Variants in SLC2A13 observed in about 807,000 individuals in gnomAD.
SLC2A13 encodes proton myo-inositol cotransporter.
Under a neutral mutation model 64.4 loss-of-function variants are expected in SLC2A13, and 32 were observed. The ratio of observed to expected loss-of-function variants is 0.50; its 90% confidence interval spans 0.37 to 0.67. SLC2A13 has a LOEUF of 0.67. SLC2A13 is among the 30% of genes least tolerant of loss of function. The pLI is 0.00. For synonymous variants in SLC2A13, 338 were observed against 327.1 expected (o/e 1.03, Z -0.36); for missense variants, 743 against 829.2 (o/e 0.90, Z 1.28).
At chr12:40,010,886 G>T (rs946924002) in intron 3 of SLC2A13, among the ~76,000 whole-genome samples, 1 of 152,192 alleles carries the variant, frequency 6.6e-6, no homozygotes. Flanking sequence ...TCATCTGCCA[G>T]CTGTGAGTGT....
chr12:39,869,282 G>A (rs895970678), intron 5 of SLC2A13, among the ~76,000 whole-genome samples: 1 of 152,226 alleles, frequency 6.6e-6, no homozygotes, highest in African/African-American at 2.4e-5. Context: ...TTATTCTGAA[G>A]GTGTAAAGGT....
chr12:39,865,249 G>GA (rs1455611473), intron 5 of SLC2A13, among the ~76,000 whole-genome samples: 1 of 152,178 alleles, frequency 6.6e-6, no homozygotes, highest in Non-Finnish European at 1.5e-5. Flanking sequence ...CAAGAAGCAC[G>GA]AAAGACAATA....
intron 1 of SLC2A13, among the ~76,000 whole-genome samples, chr12:40,049,147 C>T (rs1254646376): frequency 3.3e-5 from 5 of 151,694 alleles, no homozygotes; most frequent in Non-Finnish European, 2.9e-5. Flanking sequence ...TTATAGTATT[C>T]AGCCTTACCC....
intron 3 of SLC2A13, among the ~76,000 whole-genome samples, chr12:39,966,160 A>G (rs1420593126): frequency 4.6e-5 from 7 of 151,250 alleles, no homozygotes; most frequent in Non-Finnish European, 8.8e-5. Flanking sequence ...GAGGTGGGGT[A>G]TGTGTGTGTA....
chr12:39,950,899 T>G (rs1415487867), intron 4 of SLC2A13: 1 of 281,670 alleles, frequency 3.6e-6, no homozygotes. Flanking sequence ...GTGCCCATAA[T>G]CTCTGGCAAT....
rs1948061455 is a variant in SLC2A13 at position 40,040,205 on chromosome 12, G to A, written c.716+7846C>T. ...TGAAGAGTTTGTAAGTATGTTCACT[G>A]CTACTAGCTCATTTGATCCCGTAAA... On this transcript the variant is annotated intron_variant, in intron 2 of 9. Coordinates refer to ENST00000280871, the MANE Select transcript of SLC2A13 (RefSeq NM_052885.4). Among the ~76,000 whole-genome samples the A allele has an allele frequency of 2.6e-5, 4 of 152,212 alleles. No homozygotes were observed. The South Asian group carries it at 8.3e-4, about 31-fold the overall frequency.
At chr12:39,845,986 T>C (rs1324148299) in intron 6 of SLC2A13, among the ~76,000 whole-genome samples, 2 of 152,152 alleles carry the variant, frequency 1.3e-5, no homozygotes, top group Non-Finnish European at 2.9e-5. Context: ...TACTCCAATT[T>C]GCCTAAAGGG....
chr12:39,926,492 G>A (rs1945732841), intron 4 of SLC2A13, among the ~76,000 whole-genome samples: 2 of 152,170 alleles, frequency 1.3e-5, no homozygotes, highest in African/African-American at 4.8e-5. Context: ...ATGTGACAGC[G>A]TATTGTAAGC....
chr12:39,967,624 G>A (rs1223295867), intron 3 of SLC2A13, among the ~76,000 whole-genome samples: 2 of 152,150 alleles, frequency 1.3e-5, no homozygotes, highest in Admixed American at 1.3e-4. Context: ...TATTCATCAA[G>A]TTTCTATAAA....
rs373042108 is a variant in SLC2A13 at position 40,012,860 on chromosome 12, C to G, written c.925+15441G>C. Among the ~76,000 whole-genome samples, 9 of 152,298 alleles carry G rather than the reference C, an allele frequency of 5.9e-5. No individual in the cohort carries two copies. The East Asian group carries it at 1.5e-3, about 26-fold the overall frequency. ...GGAAAGTGACACAGGAAATCACACT[C>G]CAGCACTCAGAGATAGCAGGCCTCC... On this transcript the variant is annotated intron_variant, in intron 3 of 9. Coordinates refer to ENST00000280871, the MANE Select transcript of SLC2A13 (RefSeq NM_052885.4).
intron 3 of SLC2A13, among the ~76,000 whole-genome samples, chr12:40,005,461 TA>T (rs1394576259): frequency 6.6e-6 from 1 of 152,074 alleles, no homozygotes; most frequent in African/African-American, 2.4e-5. Context: ...TCACTTAAAC[TA>T]AAAGGAAGTT....
intron 1 of SLC2A13, among the ~76,000 whole-genome samples, chr12:40,104,672 C>T (rs1565629325): frequency 6.6e-6 from 1 of 152,142 alleles, no homozygotes; most frequent in Non-Finnish European, 1.5e-5. Flanking sequence ...ATAGAAAAAG[C>T]ATAAAAGCAA....
chr12:40,068,025 T>G (rs1430902104), intron 1 of SLC2A13, among the ~76,000 whole-genome samples: 2 of 152,068 alleles, frequency 1.3e-5, no homozygotes, highest in Non-Finnish European at 2.9e-5. Context: ...TGCCTCAGCC[T>G]CCTGAGTAGC....
At chr12:39,966,695 T>C (rs1239105189) in intron 3 of SLC2A13, among the ~76,000 whole-genome samples, 1 of 152,138 alleles carries the variant, frequency 6.6e-6, no homozygotes, top group African/African-American at 2.4e-5. Flanking sequence ...CTGATGGCCA[T>C]AGCACAGGAT....
At position 39,759,945 on chromosome 12, in the gene SLC2A13, G is replaced by A; in HGVS notation, c.*81C>T. 9.9e-7 allele frequency: 1 copy of A among 1,009,942 alleles called. No homozygotes were observed. The highest frequency in any genetic ancestry group is 2.5e-5 in the East Asian group (1 of 40,646). The allele number at this position is 1,009,942 out of a possible 1,614,324, so 62.6% of individuals were successfully genotyped here. On this transcript the variant is annotated 3_prime_UTR_variant, in exon 10 of 10. Transcript: ENST00000280871. ...CTAGGCTGTGGAAAGAACCAGATTA[G>A]AAGCAGGGCAGTGAAGTCACCAATT...
intron 3 of SLC2A13, among the ~76,000 whole-genome samples, chr12:40,015,323 T>A (rs1947604811): frequency 6.6e-6 from 1 of 152,200 alleles, no homozygotes. Flanking sequence ...TTCTAAAAGT[T>A]GTTCAACATA....
At chr12:39,946,383 G>A (rs1244482378) in intron 4 of SLC2A13, among the ~76,000 whole-genome samples, 1 of 152,242 alleles carries the variant, frequency 6.6e-6, no homozygotes, top group African/African-American at 2.4e-5. Flanking sequence ...AGCTGTAGTA[G>A]TGTGGAGAGG....
chr12:39,807,298 C>A (rs557096426), intron 7 of SLC2A13, among the ~76,000 whole-genome samples: 21 of 152,238 alleles, frequency 1.4e-4, no homozygotes, highest in Non-Finnish European at 2.8e-4. Context: ...GGTGGACACA[C>A]AAGCCTACAT....
intron 7 of SLC2A13, among the ~76,000 whole-genome samples, chr12:39,767,009 C>CA (rs1389951489): frequency 6.6e-6 from 1 of 152,098 alleles, no homozygotes; most frequent in Admixed American, 6.6e-5. Flanking sequence ...GACCTCCTCC[C>CA]ATGAATCACG....
Sources: gnomAD v4.1 joint callset for allele counts (sites outside exome capture counted in the v4.1 genomes callset) on GRCh38, gnomAD v4.1.1 for gene constraint, MANE v1.5 for transcripts, NCBI Gene and HGNC (gene_info 2026-07-23, HGNC 2026-07-21) for gene names.